Variants in GMDS observed in about 807,000 individuals in gnomAD.
GMDS encodes GDP-mannose 4,6-dehydratase.
GMDS carries 20 observed loss-of-function variants against 49.9 expected under a neutral mutation model. That is an observed-to-expected ratio of 0.40 (90% CI 0.28 to 0.58). The LOEUF (loss-of-function observed/expected upper bound fraction) is 0.58, where lower values mean the gene tolerates loss of function less well. Ranked by LOEUF, GMDS falls within the 20% of genes least tolerant of loss-of-function variation. GMDS has a pLI of 0.42. For synonymous variants in GMDS, 177 were observed against 178.6 expected (o/e 0.99, Z 0.07); for missense variants, 362 against 481.4 (o/e 0.75, Z 2.32).
intron 4 of GMDS, among the ~76,000 whole-genome samples, chr6:1,968,561 G>C (rs974577900): frequency 6.6e-6 from 1 of 152,126 alleles, no homozygotes; most frequent in Admixed American, 6.5e-5. Context: ...CCTTGGTCCT[G>C]AGTCTCTCAT....
At chr6:1,828,114 A>C (rs1031390512) in intron 7 of GMDS, among the ~76,000 whole-genome samples, 8 of 152,250 alleles carry the variant, frequency 5.3e-5, no homozygotes, top group African/African-American at 1.7e-4. Flanking sequence ...AAAAGAAACC[A>C]AAAGAAATTC....
At chr6:1,675,769 C>T (rs1296447761) in intron 9 of GMDS, among the ~76,000 whole-genome samples, 13 of 151,476 alleles carry the variant, frequency 8.6e-5, no homozygotes, top group East Asian at 7.8e-4. Context: ...AGGAGAATGG[C>T]GTGAACTCGG....
intron 2 of GMDS, among the ~76,000 whole-genome samples, chr6:2,121,201 C>T (rs1298647346): frequency 6.6e-6 from 1 of 152,296 alleles, no homozygotes; most frequent in East Asian, 1.9e-4. Context: ...TTTGTCCACC[C>T]CTCTGGCTCT....
chr6:2,027,234 C>G (rs1311931766), intron 4 of GMDS, among the ~76,000 whole-genome samples: 1 of 152,048 alleles, frequency 6.6e-6, no homozygotes, highest in East Asian at 1.9e-4. Flanking sequence ...GAGGAAGGAG[C>G]GAACACATTT....
chr6:2,183,557 T>C (rs1013672029), intron 1 of GMDS, among the ~76,000 whole-genome samples: 7 of 152,190 alleles, frequency 4.6e-5, no homozygotes, highest in African/African-American at 1.7e-4. Context: ...ATTGTTGAAA[T>C]AGCAACAAAG....
chr6:1,770,324 C>G (rs1022674318), intron 7 of GMDS, among the ~76,000 whole-genome samples: 3 of 152,232 alleles, frequency 2.0e-5, no homozygotes, highest in Non-Finnish European at 4.4e-5. Context: ...TTCCAGTGAT[C>G]TTTCACTCAC....
intron 7 of GMDS, among the ~76,000 whole-genome samples, chr6:1,746,394 C>T (rs1466105875): frequency 6.6e-6 from 1 of 152,156 alleles, no homozygotes. Context: ...TAATCCATCT[C>T]ACAGAGAGGA....
chr6:2,245,534 C>A lies in GMDS; in HGVS notation c.-112G>T, dbSNP rs1281063664. 1 of 532,996 alleles carries A rather than the reference C, an allele frequency of 1.9e-6. No individual in the cohort carries two copies. Among genetic ancestry groups the A allele is most frequent in the Non-Finnish European group, 3.0e-6 (1 of 337,812 alleles). The allele number at this position is 532,996 out of a possible 1,614,324, so 33.0% of individuals were successfully genotyped here. A position where few individuals can be genotyped will look rare whatever the true frequency, so the allele number is the denominator to read the frequency against. On this transcript the variant is annotated 5_prime_UTR_variant, in exon 1 of 11. Coordinates refer to ENST00000380815, the MANE Select transcript of GMDS (RefSeq NM_001500.4). The stretch of plus-strand genomic sequence containing the variant: ...ACGAAGCGCCTCTCCAGGCTGCGGG[C>A]AGGGAGGGAGAGCGCACCGCGCGAC...
At position 1,946,381 on chromosome 6, in the gene GMDS, G is replaced by C. The variant is rs191984405; in HGVS notation, c.643+13486C>G. On this transcript the variant is annotated intron_variant, in intron 6 of 10. Coordinates refer to ENST00000380815, the MANE Select transcript of GMDS (RefSeq NM_001500.4). The stretch of plus-strand genomic sequence containing the variant: ...AGTAATTTCACTTCTCTAAACTCCT[G>C]TCACCTTACCTGTAAAATGGATATA... 2.6e-5 allele frequency among the ~76,000 whole-genome samples: 4 copies of C among 152,208 alleles called. No homozygotes were observed. The East Asian group carries it at 5.8e-4, about 22-fold the overall frequency.
chr6:2,195,562 A>G (rs148003553), intron 1 of GMDS, among the ~76,000 whole-genome samples: 12 of 152,332 alleles, frequency 7.9e-5, no homozygotes, highest in African/African-American at 2.9e-4. Flanking sequence ...TTCAGGGGAT[A>G]AAGTAAGTTT....
At chr6:1,952,423 C>T (rs765882235) in intron 6 of GMDS, among the ~76,000 whole-genome samples, 4 of 151,988 alleles carry the variant, frequency 2.6e-5, no homozygotes, top group Admixed American at 6.6e-5. Flanking sequence ...AAACGCAACA[C>T]GAAGAGCTAA....
chr6:1,905,274 G>A (rs1261573806), intron 7 of GMDS, among the ~76,000 whole-genome samples: 2 of 152,282 alleles, frequency 1.3e-5, no homozygotes, highest in African/African-American at 4.8e-5. Context: ...GGCCTCAAAG[G>A]TGCCTGTGCA....
intron 4 of GMDS, among the ~76,000 whole-genome samples, chr6:2,048,421 CTG>C (rs1770160198): frequency 6.6e-6 from 1 of 152,208 alleles, no homozygotes; most frequent in African/African-American, 2.4e-5. Context: ...CAATGCCTCA[CTG>C]TTTTAATTAA....
At chr6:2,007,001 G>A (rs1235467429) in intron 4 of GMDS, among the ~76,000 whole-genome samples, 2 of 152,138 alleles carry the variant, frequency 1.3e-5, no homozygotes, top group Non-Finnish European at 2.9e-5. Context: ...CCTAGGAATA[G>A]AGAAAAAGTG....
At chr6:1,765,401 G>T (rs1464273734) in intron 7 of GMDS, among the ~76,000 whole-genome samples, 1 of 152,170 alleles carries the variant, frequency 6.6e-6, no homozygotes, top group Non-Finnish European at 1.5e-5. Context: ...CAAGCACTGA[G>T]AAGGCTGTGG....
At chr6:2,104,790 G>A (rs1172706696) in intron 4 of GMDS, among the ~76,000 whole-genome samples, 1 of 152,028 alleles carries the variant, frequency 6.6e-6, no homozygotes, top group Non-Finnish European at 1.5e-5. Context: ...AAAAACAAAA[G>A]TTGAAATTTT....
chr6:2,244,140 G>A (rs1581853551), intron 1 of GMDS, among the ~76,000 whole-genome samples: 2 of 152,132 alleles, frequency 1.3e-5, no homozygotes, highest in East Asian at 3.9e-4. Flanking sequence ...GAAGTGCTGA[G>A]ATTTCAAGTA....
rs569910833 is a variant in GMDS, at chr6:1,894,411, T to C, written c.771+35692A>G. Among the ~76,000 whole-genome samples the C allele has an allele frequency of 5.3e-5, 8 of 152,350 alleles. No homozygotes were observed. In the South Asian group the frequency reaches 1.2e-3, roughly 24 times the overall value. On this transcript the variant is annotated intron_variant, in intron 7 of 10. Coordinates refer to ENST00000380815, the MANE Select transcript of GMDS (RefSeq NM_001500.4). ...AGGGGTATTTATTAGGACAGTGTTA[T>C]GGAAAATTATTCCTTCCTTAAGTAA...
In GMDS at chr6:1,766,141, C is replaced by T. The variant is rs1406276402; in HGVS notation, c.772-23555G>A. ...CTCAGGATGATTCATGGATTCGCTG[C>T]CCGTCTGTTTAAATGTAATACTCTT... On this transcript the variant is annotated intron_variant, in intron 7 of 10. Transcript: ENST00000380815. The surrounding 1 kb of genome is among the most constrained non-coding windows in gnomAD (Gnocchi z 4.5). 1.3e-5 allele frequency among the ~76,000 whole-genome samples: 2 copies of T among 152,140 alleles called. No individual in the cohort carries two copies. The highest frequency in any genetic ancestry group is 4.8e-5 in the African/African-American group (2 of 41,432).
Sources: allele counts gnomAD v4.1 joint callset (sites outside exome capture counted in the v4.1 genomes callset), GRCh38; gene constraint gnomAD v4.1.1; non-coding constraint Gnocchi (gnomAD v3.1); transcripts MANE v1.5; gene names NCBI Gene and HGNC (gene_info 2026-07-23, HGNC 2026-07-21).